Variants in SIMC1 observed in about 807,000 individuals in gnomAD.
SIMC1 encodes the protein SUMO interacting motifs containing 1.
Under a neutral mutation model 82.3 loss-of-function variants are expected in SIMC1, and 55 were observed. The ratio of observed to expected loss-of-function variants is 0.67; its 90% confidence interval spans 0.54 to 0.84. SIMC1 has a LOEUF of 0.84. SIMC1 is among the 40% of genes least tolerant of loss of function. The pLI is 0.00. For synonymous variants in SIMC1, 353 were observed against 426.3 expected (o/e 0.83, Z 2.12); for missense variants, 915 against 1,107.2 (o/e 0.83, Z 2.46).
intron 1 of SIMC1, chr5:176,263,290 A>G: frequency 5.1e-6 from 4 of 779,094 alleles, no homozygotes; most frequent in Non-Finnish European, 7.5e-6. Flanking sequence ...AACTGATTGT[A>G]AAGTTTATAT....
rs773428739 is a variant in SIMC1, at chr5:176,337,098, G to A, written c.2365G>A (p.Val789Ile). ...KSQWQTWDELVEHLQFLLSSY... is the reference protein window; with the variant it reads ...KSQWQTWDELIEHLQFLLSSY... Reference sequence around the variant, plus strand: ...CCAGTGGCAGACTTGGGACGAATTGGTTGAGCATCTGCAGTTTCTGCTGTC... The same window carrying A: ...CCAGTGGCAGACTTGGGACGAATTGATTGAGCATCTGCAGTTTCTGCTGTC... Residue 789 changes from valine to isoleucine, a missense_variant, in exon 9 of 10, where the codon GTT (valine) becomes ATT (isoleucine). This residue lies in a region of SIMC1 where 902 missense variants were observed against 1,040.3 expected (regional missense o/e 0.87). Transcript: ENST00000429602. 3.7e-6 allele frequency: 6 copies of A among 1,614,032 alleles called. No homozygotes were observed. The highest frequency in any genetic ancestry group is 3.3e-5 in the South Asian group (3 of 91,086).
At chr5:176,309,924 GGCCTT>G (rs1250938913) in intron 4 of SIMC1, among the ~76,000 whole-genome samples, 1 of 152,040 alleles carries the variant, frequency 6.6e-6, no homozygotes, top group African/African-American at 2.4e-5. Flanking sequence ...AACAGAGTGA[GGCCTT>G]GTCTCAAAAA....
intron 7 of SIMC1, among the ~76,000 whole-genome samples, chr5:176,325,847 A>G (rs1765372659): frequency 6.6e-6 from 1 of 152,170 alleles, no homozygotes; most frequent in Non-Finnish European, 1.5e-5. Flanking sequence ...ATCCAATATT[A>G]GAGGAACTAG....
At chr5:176,297,576 G>A (rs976639100) in intron 4 of SIMC1, among the ~76,000 whole-genome samples, 3 of 151,286 alleles carry the variant, frequency 2.0e-5, no homozygotes, top group Non-Finnish European at 4.4e-5. Context: ...TGCAGAGTTG[G>A]TGCTACAGGA....
chr5:176,309,331 A>G (rs1764559121), intron 4 of SIMC1, among the ~76,000 whole-genome samples: 1 of 152,222 alleles, frequency 6.6e-6, no homozygotes, highest in African/African-American at 2.4e-5. Flanking sequence ...CAAGGAGAAA[A>G]AAGAACCTCT....
intron 1 of SIMC1, among the ~76,000 whole-genome samples, chr5:176,275,476 C>A (rs1329829638): frequency 6.6e-6 from 1 of 151,786 alleles, no homozygotes; most frequent in Admixed American, 6.6e-5. Context: ...CCTTCTCCTG[C>A]CTGATTGCCC....
At chr5:176,267,956 C>T (rs547968864) in intron 1 of SIMC1, among the ~76,000 whole-genome samples, 1 of 151,640 alleles carries the variant, frequency 6.6e-6, no homozygotes, top group Non-Finnish European at 1.5e-5. Flanking sequence ...CACCATGTTG[C>T]CAAGGCTGGT....
chr5:176,303,665 C>T (rs1445420629), intron 4 of SIMC1, among the ~76,000 whole-genome samples: 1 of 152,178 alleles, frequency 6.6e-6, no homozygotes, highest in African/African-American at 2.4e-5. Context: ...GGAGTTCTCA[C>T]ACTTCTTGAC....
intron 1 of SIMC1, among the ~76,000 whole-genome samples, chr5:176,243,528 T>A (rs1467564820): frequency 6.6e-6 from 1 of 152,138 alleles, no homozygotes; most frequent in Non-Finnish European, 1.5e-5. Flanking sequence ...TACTTTTTTT[T>A]TTTTTGGAGA....
intron 4 of SIMC1, among the ~76,000 whole-genome samples, chr5:176,312,604 T>C (rs1373559715): frequency 6.6e-6 from 1 of 151,174 alleles, no homozygotes; most frequent in Non-Finnish European, 1.5e-5. Flanking sequence ...TTTGCATCAG[T>C]TATCAAGGAT....
At chr5:176,322,526 T>C (rs1765212348) in intron 6 of SIMC1, 101 bp downstream of exon 6, 1 of 1,334,298 alleles carries the variant, frequency 7.5e-7, no homozygotes, top group Non-Finnish European at 1.0e-6. Context: ...ATTAACAAGA[T>C]CTTAGAACAT....
chr5:176,344,930 G>A (rs1246630676), intron 9 of SIMC1, among the ~76,000 whole-genome samples: 1 of 152,048 alleles, frequency 6.6e-6, no homozygotes, highest in Non-Finnish European at 1.5e-5. Flanking sequence ...ACCATGTTAT[G>A]TGATCATAAA....
intron 1 of SIMC1, among the ~76,000 whole-genome samples, chr5:176,249,819 G>C (rs1294244520): frequency 8.4e-6 from 1 of 119,442 alleles, no homozygotes; most frequent in South Asian, 2.9e-4. Flanking sequence ...ACTCCAGCCT[G>C]AGCAACAGAG....
rs979585995 is a variant in SIMC1 at position 176,345,613 on chromosome 5, C to G, written c.*168C>G. The G allele has an allele frequency of 1.7e-6, 1 of 578,980 alleles. No homozygotes were observed. Among genetic ancestry groups the G allele is most frequent in the African/African-American group, 1.9e-5 (1 of 52,412 alleles). The allele number at this position is 578,980 out of a possible 1,614,324, so 35.9% of individuals were successfully genotyped here. ...TAGTAAATATCTTTTTTTAAATAAT[C>G]CTATCCTAGCCTGTTCTCAAATATG... On this transcript the variant is annotated 3_prime_UTR_variant, in exon 10 of 10. Coordinates refer to ENST00000429602, the MANE Select transcript of SIMC1 (RefSeq NM_001308195.2).
At chr5:176,248,106 T>C (rs200990640) in intron 1 of SIMC1, among the ~76,000 whole-genome samples, 1 of 152,030 alleles carries the variant, frequency 6.6e-6, no homozygotes, top group African/African-American at 2.4e-5. Flanking sequence ...TTTTGGTTCC[T>C]TATGAACTTT....
At chr5:176,310,000 G>A (rs976665189) in intron 4 of SIMC1, among the ~76,000 whole-genome samples, 26 of 152,132 alleles carry the variant, frequency 1.7e-4, no homozygotes, top group African/African-American at 5.8e-4. Flanking sequence ...GGCAAAAGAC[G>A]TGAATAGATG....
At chr5:176,269,442 A>C (rs1762334537) in intron 1 of SIMC1, among the ~76,000 whole-genome samples, 1 of 152,264 alleles carries the variant, frequency 6.6e-6, no homozygotes, top group African/African-American at 2.4e-5. Context: ...TTTCTGGAAA[A>C]ACACAAGTCA....
chr5:176,275,735 G>C (rs1762658768), intron 1 of SIMC1, among the ~76,000 whole-genome samples: 2 of 151,706 alleles, frequency 1.3e-5, no homozygotes, highest in South Asian at 4.1e-4. Context: ...ATAATCATGT[G>C]GTTTTTGTCT....
At chr5:176,313,588 G>A in intron 4 of SIMC1, 103 bp from the exon 5 acceptor site, 1 of 1,563,150 alleles carries the variant, frequency 6.4e-7, no homozygotes, top group Non-Finnish European at 8.7e-7. Context: ...CATACTTGTT[G>A]ATGCATGGCC....
Sources: gnomAD v4.1 joint callset for allele counts (sites outside exome capture counted in the v4.1 genomes callset) on GRCh38, gnomAD v4.1.1 for gene constraint, gnomAD v4.1.1 regional missense constraint, MANE v1.5 for transcripts, NCBI Gene and HGNC (gene_info 2026-07-23, HGNC 2026-07-21) for gene names.